DPP8: variants seen among roughly 807,000 people sequenced by gnomAD.
The protein encoded by DPP8 is dipeptidyl peptidase 8, also known as DPP VIII.
Under a neutral mutation model 107.5 loss-of-function variants are expected in DPP8, and 31 were observed. The ratio of observed to expected loss-of-function variants is 0.29; its 90% CI spans 0.22 to 0.39. The LOEUF (loss-of-function observed/expected upper bound fraction) is 0.39. Ranked by LOEUF, DPP8 falls within the 10% of genes least tolerant of loss-of-function variation. The pLI is 1.00. For synonymous variants in DPP8, 381 were observed against 356.6 expected, an observed-to-expected ratio of 1.07 and a Z score of -0.77; for missense variants, 842 against 1,076.1, an observed-to-expected ratio of 0.78 and a Z score of 3.04.
At chr15:65,447,354 ACAG>A (rs2063553369) in intron 19 of DPP8, among the ~76,000 whole-genome samples, 1 of 152,210 alleles carries the variant, frequency 6.6e-6, no homozygotes, top group Admixed American at 6.5e-5. Context: ...GCCAGCATTT[ACAG>A]TGATGATACA....
At chr15:65,490,411 G>A (rs1466229832) in intron 5 of DPP8, 112 bp from the exon 6 acceptor site, 1 of 713,524 alleles carries the variant, frequency 1.4e-6, no homozygotes, top group African/African-American at 1.8e-5. Context: ...GTAAACTCTG[G>A]AGCTGAACGG....
chr15:65,487,717 C>A lies in DPP8; in HGVS notation c.928G>T (p.Ala310Ser), dbSNP rs765069525. 1.9e-6 allele frequency: 3 copies of A among 1,609,558 alleles called. No homozygotes were observed. The highest frequency in any genetic ancestry group is 2.2e-5 in the South Asian group (2 of 90,358). ...VTSPMLETRR[A>S]DSFRYPKTGT... ...GTTTTAGGATAACGGAATGAATCTGCCCTCCTTGTTTCCAACATAGGGGAT... is the reference window on the plus strand; with the variant it reads ...GTTTTAGGATAACGGAATGAATCTGACCTCCTTGTTTCCAACATAGGGGAT... Residue 310 changes from alanine to serine, a missense_variant, in exon 7 of 20, where the codon GCA becomes TCA. By Grantham distance (99) the Ala-to-Ser change is moderately conservative. This residue lies in a region of DPP8 where 663 missense variants were observed against 758.0 expected (regional missense o/e 0.87). Coordinates refer to ENST00000300141, the MANE Select transcript of DPP8 (RefSeq NM_130434.5).
intron 7 of DPP8, among the ~76,000 whole-genome samples, chr15:65,485,825 G>A (rs2067363084): frequency 6.6e-6 from 1 of 152,026 alleles, no homozygotes; most frequent in Non-Finnish European, 1.5e-5. Flanking sequence ...AGGGTGCAGT[G>A]GCTCACGCCT....
chr15:65,479,635 G>C (rs1011850572), intron 10 of DPP8, among the ~76,000 whole-genome samples: 1 of 151,790 alleles, frequency 6.6e-6, no homozygotes, highest in African/African-American at 2.4e-5. Context: ...ATGAGGTCAG[G>C]AGATCGAGAC....
chr15:65,515,870 A>C, intron 1 of DPP8: 1 of 589,518 alleles, frequency 1.7e-6, no homozygotes, highest in South Asian at 2.4e-5. Context: ...AGAAGCCCCA[A>C]AATAGTAGTT....
At chr15:65,494,739 T>G (rs1302316696) in intron 5 of DPP8, among the ~76,000 whole-genome samples, 1 of 151,956 alleles carries the variant, frequency 6.6e-6, no homozygotes, top group Non-Finnish European at 1.5e-5. Context: ...CCATTGGTAG[T>G]AGAACAGCTG....
chr15:65,463,754 T>G lies in DPP8; in HGVS notation c.1971+7A>C, dbSNP rs1004755294. On this transcript the variant is annotated splice_region_variant and intron_variant, in intron 15 of 19. Transcript: ENST00000300141. ...GTGTATGTATATATGTATATAAATA[T>G]GCCCACCTGAGGACCACCATATATG... The G allele has an allele frequency of 6.2e-7, 1 of 1,607,524 alleles. No individual in the cohort carries two copies. Among genetic ancestry groups the G allele is most frequent in the African/African-American group, 1.3e-5 (1 of 74,740 alleles).
chr15:65,473,218 G>A (rs1263117904), intron 12 of DPP8, among the ~76,000 whole-genome samples: 3 of 151,544 alleles, frequency 2.0e-5, no homozygotes, highest in Non-Finnish European at 4.4e-5. Context: ...CCAGCTACTC[G>A]GGAGGCTGAA....
At chr15:65,492,511 G>A (rs1209686246) in intron 5 of DPP8, among the ~76,000 whole-genome samples, 1 of 152,156 alleles carries the variant, frequency 6.6e-6, no homozygotes, top group African/African-American at 2.4e-5. Context: ...ATCAAAGTAT[G>A]AAAGTTCTTC....
chr15:65,510,735 C>A (rs1329820848), intron 2 of DPP8, among the ~76,000 whole-genome samples: 2 of 152,170 alleles, frequency 1.3e-5, no homozygotes, highest in Non-Finnish European at 2.9e-5. Flanking sequence ...GACGCGGTTT[C>A]ACCATGTTGG....
chr15:65,477,314 G>C (rs1266286082), intron 11 of DPP8, among the ~76,000 whole-genome samples: 1 of 152,016 alleles, frequency 6.6e-6, no homozygotes, highest in African/African-American at 2.4e-5. Flanking sequence ...AGAATTGCTT[G>C]AACCCGGGAG....
At chr15:65,495,323 T>C (rs1346452838) in intron 5 of DPP8, among the ~76,000 whole-genome samples, 1 of 152,178 alleles carries the variant, frequency 6.6e-6, no homozygotes, top group East Asian at 1.9e-4. Context: ...ACCCTATGTC[T>C]GGCCAGGTGC....
At chr15:65,502,381 T>A (rs957870467) in intron 3 of DPP8, among the ~76,000 whole-genome samples, 11 of 151,994 alleles carry the variant, frequency 7.2e-5, no homozygotes, top group African/African-American at 2.7e-4. Context: ...ATAATGTCTC[T>A]CAAAGAAAGT....
chr15:65,514,095 T>C (rs2071139129), intron 1 of DPP8, among the ~76,000 whole-genome samples: 1 of 152,244 alleles, frequency 6.6e-6, no homozygotes, highest in Admixed American at 6.5e-5. Context: ...GACTAAAAGT[T>C]ATTAGCAGGT....
At chr15:65,495,618 A>G (rs2068504824) in intron 5 of DPP8, among the ~76,000 whole-genome samples, 1 of 146,936 alleles carries the variant, frequency 6.8e-6, no homozygotes, top group Admixed American at 6.9e-5. Flanking sequence ...ACAAACAAAC[A>G]GGCTGAGCAC....
intron 11 of DPP8, among the ~76,000 whole-genome samples, chr15:65,475,899 C>T (rs932174880): frequency 6.6e-6 from 1 of 152,174 alleles, no homozygotes; most frequent in African/African-American, 2.4e-5. Flanking sequence ...CAGGCTCATG[C>T]CACCACACTT....
At chr15:65,450,914 TG>T in intron 19 of DPP8, 84 bp downstream of exon 19, 1 of 848,244 alleles carries the variant, frequency 1.2e-6, no homozygotes, top group Non-Finnish European at 1.9e-6. Context: ...TCTAAAAATC[TG>T]GACTTACCCC....
intron 12 of DPP8, among the ~76,000 whole-genome samples, chr15:65,473,863 G>C (rs756855474): frequency 6.6e-6 from 1 of 152,112 alleles, no homozygotes; most frequent in African/African-American, 2.4e-5. Flanking sequence ...CAACACTTTG[G>C]GAGGCTGAGG....
At chr15:65,488,074 G>C (rs2067611420) in intron 6 of DPP8, among the ~76,000 whole-genome samples, 1 of 151,940 alleles carries the variant, frequency 6.6e-6, no homozygotes, top group Admixed American at 6.6e-5. Context: ...CATTTTTGTA[G>C]GACTTTGTTC....
Sources: gnomAD v4.1 joint callset for allele counts (sites outside exome capture counted in the v4.1 genomes callset) on GRCh38, gnomAD v4.1.1 for gene constraint, gnomAD v4.1.1 regional missense constraint, MANE v1.5 for transcripts, NCBI Gene and HGNC (gene_info 2026-07-23, HGNC 2026-07-21) for gene names.